The following ANK1 variants were observed in gnomAD, a reference collection of about 807,000 sequenced individuals.
ANK1 encodes the protein ankyrin 1.
ANK1 carries 51 observed loss-of-function variants against 210.4 expected under a neutral mutation model. The ratio of observed to expected loss-of-function variants is 0.24; its 90% confidence interval spans 0.19 to 0.31. The LOEUF (loss-of-function observed/expected upper bound fraction) is 0.31. ANK1 is among the 10% of genes least tolerant of loss of function. ANK1 has a pLI of 1.00. For missense variants in ANK1, 2,051 were observed against 2,504.4 expected, an observed-to-expected ratio of 0.82 and a Z score of 3.86; for synonymous variants, 967 against 1,025.9, an observed-to-expected ratio of 0.94 and a Z score of 1.10.
chr8:41,806,301 G>A (rs1259560826), intron 1 of ANK1, among the ~76,000 whole-genome samples: 1 of 152,162 alleles, frequency 6.6e-6, no homozygotes, highest in Non-Finnish European at 1.5e-5. Flanking sequence ...GGCAGCCCAG[G>A]GAGACAACAC....
At chr8:41,851,327 G>T (rs1811192672) in intron 1 of ANK1, among the ~76,000 whole-genome samples, 1 of 152,240 alleles carries the variant, frequency 6.6e-6, no homozygotes, top group Admixed American at 6.5e-5. Context: ...CAATGAGGCA[G>T]TGGGCGTTGC....
chr8:41,668,805 GTCCC>G (rs1811366480), intron 38 of ANK1, among the ~76,000 whole-genome samples: 1 of 152,160 alleles, frequency 6.6e-6, no homozygotes, highest in African/African-American at 2.4e-5. Flanking sequence ...AAGGCCACTG[GTCCC>G]TCCCTGTGGG....
Position 41,661,571 on chromosome 8 carries a change from A to G in ANK1, c.5545-7T>C, listed in dbSNP as rs372835704. 8 of 1,613,822 alleles carry G rather than the reference A, an allele frequency of 5.0e-6. No homozygotes were observed. The African/African-American group carries it at 9.3e-5, about 19-fold the overall frequency. The stretch of plus-strand genomic sequence containing the variant: ...CACTCCCTCTCAGCTCCACCTGCAG[A>G]CAGCAGCAGAGACAGAAAGCAGGAC... On this transcript the variant is annotated splice_polypyrimidine_tract_variant and splice_region_variant and intron_variant, in intron 41 of 42. Transcript: ENST00000289734.
intron 22 of ANK1, among the ~76,000 whole-genome samples, chr8:41,699,953 G>T (rs1403388533): frequency 6.6e-6 from 1 of 152,248 alleles, no homozygotes; most frequent in Non-Finnish European, 1.5e-5. Context: ...AAGGGCTGGA[G>T]AATTTTTTGT....
At chr8:41,721,746 A>C (rs1270856128) in intron 9 of ANK1, among the ~76,000 whole-genome samples, 5 of 151,818 alleles carry the variant, frequency 3.3e-5, no homozygotes, top group Admixed American at 6.6e-5. Flanking sequence ...TGAGACAGTA[A>C]GTTTCTGTTG....
intron 24 of ANK1, 24 bp from the exon 25 acceptor site, chr8:41,696,797 C>T (rs542052999): frequency 1.3e-6 from 2 of 1,585,786 alleles, no homozygotes; most frequent in East Asian, 2.2e-5. Context: ...AAGGGTCCTC[C>T]TGTCCCACCT....
intron 37 of ANK1, among the ~76,000 whole-genome samples, chr8:41,678,368 C>T (rs56306962): frequency 0.15 from 22,741 of 152,192 alleles, 2,087 homozygotes; most frequent in Middle Eastern, 0.33. Flanking sequence ...TCTCGAACTT[C>T]TGACCTCAAG....
intron 1 of ANK1, among the ~76,000 whole-genome samples, chr8:41,837,225 C>G (rs539996733): frequency 1.3e-5 from 2 of 152,230 alleles, no homozygotes; most frequent in Non-Finnish European, 2.9e-5. Context: ...GCTATAATCT[C>G]TATAGTCACA....
intron 1 of ANK1, among the ~76,000 whole-genome samples, chr8:41,773,319 C>A (rs1337037896): frequency 6.6e-6 from 1 of 152,042 alleles, no homozygotes; most frequent in Non-Finnish European, 1.5e-5. Context: ...GGGTTGGCAG[C>A]CCTGGAGTCT....
chr8:41,758,486 C>G (rs544341309), intron 1 of ANK1, among the ~76,000 whole-genome samples: 1 of 152,168 alleles, frequency 6.6e-6, no homozygotes, highest in Admixed American at 6.5e-5. Flanking sequence ...GTGTGTACCA[C>G]CAAGCCCAAC....
At chr8:41,763,227 A>AT (rs1186394413) in intron 1 of ANK1, among the ~76,000 whole-genome samples, 6 of 151,786 alleles carry the variant, frequency 4.0e-5, no homozygotes, top group Non-Finnish European at 7.4e-5. Flanking sequence ...AAAAAAAAAA[A>AT]AATTTATGAC....
intron 1 of ANK1, among the ~76,000 whole-genome samples, chr8:41,886,593 C>T (rs1818477309): frequency 6.6e-6 from 1 of 152,246 alleles, no homozygotes; most frequent in African/African-American, 2.4e-5. Context: ...GGCAATGTTT[C>T]AACTGCGTTC....
At chr8:41,839,804 C>G (rs961476238) in intron 1 of ANK1, among the ~76,000 whole-genome samples, 1 of 152,096 alleles carries the variant, frequency 6.6e-6, no homozygotes, top group Non-Finnish European at 1.5e-5. Context: ...CATGTGGCAT[C>G]CTGGATGGGA....
intron 9 of ANK1, among the ~76,000 whole-genome samples, chr8:41,721,792 G>A (rs1829351473): frequency 1.3e-5 from 2 of 152,082 alleles, no homozygotes; most frequent in East Asian, 3.9e-4. Flanking sequence ...TTGTTAAGGT[G>A]GACTGAGCTA....
exon 1 of ANK1, chr8:41,896,548 C>A (rs1820565141): frequency 6.6e-7 from 1 of 1,520,744 alleles, no homozygotes; most frequent in South Asian, 1.2e-5. Flanking sequence ...GAGGCGACAC[C>A]CCCTAAGAAG....
At chr8:41,715,253 C>A (rs996722937) in intron 14 of ANK1, among the ~76,000 whole-genome samples, 179 bp from the exon 15 acceptor site, 9 of 152,342 alleles carry the variant, frequency 5.9e-5, no homozygotes, top group East Asian at 3.9e-4. Context: ...GGCATCCCTG[C>A]ACTTACGGTC....
At chr8:41,721,455 G>A (rs1207344644) in intron 9 of ANK1, among the ~76,000 whole-genome samples, 7 of 152,018 alleles carry the variant, frequency 4.6e-5, no homozygotes, top group African/African-American at 7.3e-5. Flanking sequence ...CCAGGAGTTC[G>A]AGACCAGCCT....
intron 2 of ANK1, among the ~76,000 whole-genome samples, chr8:41,752,408 C>T (rs1037375669): frequency 2.6e-5 from 4 of 152,156 alleles, no homozygotes; most frequent in African/African-American, 4.8e-5. Flanking sequence ...CGTCAGCACT[C>T]GACTTCCTCG....
intron 1 of ANK1, among the ~76,000 whole-genome samples, chr8:41,886,271 C>T (rs929393762): frequency 3.8e-4 from 58 of 152,314 alleles, no homozygotes; most frequent in African/African-American, 1.4e-3. Context: ...CTGCCATTTA[C>T]CAAGTGCTTA....
Sources: gnomAD v4.1 joint callset for allele counts (sites outside exome capture counted in the v4.1 genomes callset) on GRCh38, gnomAD v4.1.1 for gene constraint, MANE v1.5 for transcripts, NCBI Gene and HGNC (gene_info 2026-07-23, HGNC 2026-07-21) for gene names.